PCM1: variants seen among roughly 807,000 people sequenced by gnomAD.
The protein encoded by PCM1 is pericentriolar material 1 protein.
Under a neutral mutation model 241.9 loss-of-function variants are expected in PCM1, and 157 were observed. The observed-to-expected ratio is 0.65, with a 90% CI of 0.57 to 0.74. PCM1 has a LOEUF of 0.74. PCM1 is among the 30% of genes least tolerant of loss of function. PCM1 has a pLI of 0.00. For synonymous variants in PCM1, 1,085 were observed against 784.9 expected (o/e 1.38, Z -6.39); for missense variants, 3,478 against 2,360.1 (o/e 1.47, Z -9.81).
Position 17,964,696 on chromosome 8 carries a change from A to G in PCM1, c.2783A>G (p.Asn928Ser), listed in dbSNP as rs183004636. 2.0e-4 allele frequency: 327 copies of G among 1,613,960 alleles called. No homozygotes were observed. Among genetic ancestry groups the G allele is most frequent in the Non-Finnish European group, 2.7e-4 (314 of 1,179,824 alleles). ...GAAGAAGAGCAAGATGCCAGTTCCA[A>G]TGATAACTTTTCTGTGTGTCCTTCT... ...EEEEEQDASS[N>S]DNFSVCPSNS... Residue 928 changes from asparagine (N) to serine (S), a missense_variant, in exon 18 of 39, where the codon AAT becomes AGT. Asn to Ser is a conservative substitution (Grantham distance 46). Transcript: ENST00000325083.
chr8:18,003,795 T>G (rs2090399610), intron 29 of PCM1, among the ~76,000 whole-genome samples: 1 of 152,120 alleles, frequency 6.6e-6, no homozygotes, highest in Admixed American at 6.6e-5. Flanking sequence ...AGAATATACT[T>G]ATAAATTTTA....
intron 38 of PCM1, among the ~76,000 whole-genome samples, chr8:18,026,972 G>A (rs534524180): frequency 1.3e-5 from 2 of 152,260 alleles, no homozygotes; most frequent in African/African-American, 4.8e-5. Context: ...GTAGAGCCAA[G>A]CGATAGTCTC....
At chr8:17,967,506 C>T (rs1179176299) in intron 21 of PCM1, among the ~76,000 whole-genome samples, 3 of 151,104 alleles carry the variant, frequency 2.0e-5, no homozygotes, top group East Asian at 3.9e-4. Flanking sequence ...TGGGGTTTCT[C>T]CATGTTGGTC....
intron 23 of PCM1, among the ~76,000 whole-genome samples, chr8:17,976,596 C>G (rs919958389): frequency 2.6e-5 from 4 of 152,202 alleles, no homozygotes; most frequent in Non-Finnish European, 5.9e-5. Context: ...CACTGTGATT[C>G]AGACCTTAAC....
At chr8:17,930,935 A>T (rs915416745) in intron 2 of PCM1, among the ~76,000 whole-genome samples, 3 of 152,122 alleles carry the variant, frequency 2.0e-5, no homozygotes, top group Admixed American at 1.3e-4. Flanking sequence ...TCATACTAAT[A>T]GTTTTACTTT....
intron 10 of PCM1, 55 bp downstream of exon 10, chr8:17,955,708 GTTT>G: frequency 9.3e-7 from 1 of 1,076,466 alleles, no homozygotes; most frequent in East Asian, 2.8e-5. Context: ...GATAAATTCT[GTTT>G]TTTTTTTTAT....
chr8:17,947,631 A>T (rs978622838), intron 7 of PCM1, among the ~76,000 whole-genome samples: 2 of 152,158 alleles, frequency 1.3e-5, no homozygotes, highest in Non-Finnish European at 2.9e-5. Context: ...GACAGGCTGT[A>T]GTTCTGTTTT....
chr8:17,999,952 A>G (rs1267544201), intron 29 of PCM1, among the ~76,000 whole-genome samples: 1 of 152,196 alleles, frequency 6.6e-6, no homozygotes, highest in Non-Finnish European at 1.5e-5. Context: ...TGGAGCTTGC[A>G]TGCTAGAGTG....
At chr8:18,009,893 T>C in intron 31 of PCM1, 149 bp downstream of exon 31, 1 of 481,342 alleles carries the variant, frequency 2.1e-6, no homozygotes, top group Non-Finnish European at 3.5e-6. Context: ...TTACATATGC[T>C]AGTCACTTGT....
intron 3 of PCM1, among the ~76,000 whole-genome samples, chr8:17,936,045 C>T (rs942290892): frequency 6.6e-6 from 1 of 152,172 alleles, no homozygotes; most frequent in African/African-American, 2.4e-5. Flanking sequence ...TTGAGTGCAT[C>T]TGCCTAACAC....
intron 33 of PCM1, 72 bp downstream of exon 33, chr8:18,011,438 G>C (rs1018499856): frequency 3.1e-6 from 4 of 1,304,570 alleles, no homozygotes; most frequent in Middle Eastern, 4.2e-4. Flanking sequence ...CAGTTTGGTG[G>C]AGTGTAACAA....
At position 17,957,407 on chromosome 8, in the gene PCM1, T is replaced by G; in HGVS notation, c.1790T>G (p.Met597Arg). The G allele has an allele frequency of 1.2e-6, 2 of 1,612,262 alleles. No individual in the cohort carries two copies. The highest frequency in any genetic ancestry group is 1.7e-6 in the Non-Finnish European group (2 of 1,178,770). Residue 597 changes from methionine to arginine, a missense_variant, in exon 12 of 39, where the codon ATG becomes AGG. Met to Arg is a moderately conservative substitution (Grantham distance 91). Coordinates refer to ENST00000325083, the MANE Select transcript of PCM1 (RefSeq NM_006197.4). The part of the protein sequence containing the change: ...RSAANIRALN[M>R]PPSLDCRYNR... ...GCTGCCAACATAAGGGCTCTAAACA[T>G]GCCTCCTTCTTTAGGTATGACTGAC...
At chr8:17,992,924 A>C (rs139528953) in intron 28 of PCM1, among the ~76,000 whole-genome samples, 3,372 of 135,918 alleles carry the variant, frequency 0.025, 57 homozygotes, top group Non-Finnish European at 0.037. Flanking sequence ...GCCTTAGCCC[A>C]CTTTTTGATG....
At chr8:17,967,937 C>G (rs1173722009) in intron 21 of PCM1, among the ~76,000 whole-genome samples, 1 of 151,940 alleles carries the variant, frequency 6.6e-6, no homozygotes, top group Non-Finnish European at 1.5e-5. Context: ...TGACACTGAT[C>G]CTTTAAGGAA....
At chr8:17,953,621 T>C (rs929494698) in intron 9 of PCM1, among the ~76,000 whole-genome samples, 1 of 152,192 alleles carries the variant, frequency 6.6e-6, no homozygotes, top group Non-Finnish European at 1.5e-5. Flanking sequence ...GAAAAACTTT[T>C]ATATATGGTT....
rs1588119866 is a variant in PCM1 at position 17,996,990 on chromosome 8, G to GTA, written c.4827+3372_4827+3373insAT. 2.0e-5 allele frequency among the ~76,000 whole-genome samples: 3 copies of GTA among 152,072 alleles called. No individual in the cohort carries two copies. The East Asian group carries it at 5.8e-4, about 29-fold the overall frequency. Reference sequence around the variant, plus strand: ...ATATTCTGTGTACTTTCTATTACTGGTGAATTTTGTACCTTCAGACGATAT... The same window carrying GTA: ...ATATTCTGTGTACTTTCTATTACTGGTATGAATTTTGTACCTTCAGACGATAT... On this transcript the variant is annotated intron_variant, in intron 29 of 38. Coordinates refer to ENST00000325083, the MANE Select transcript of PCM1 (RefSeq NM_006197.4).
intron 6 of PCM1, among the ~76,000 whole-genome samples, chr8:17,945,595 A>T (rs1176319031): frequency 6.6e-6 from 1 of 152,192 alleles, no homozygotes; most frequent in Non-Finnish European, 1.5e-5. Context: ...ATGGATTTCC[A>T]AGTCACAGTG....
intron 36 of PCM1, among the ~76,000 whole-genome samples, chr8:18,017,097 C>T (rs893325843): frequency 6.6e-6 from 1 of 152,138 alleles, no homozygotes; most frequent in Non-Finnish European, 1.5e-5. Flanking sequence ...GTATTGCCAA[C>T]CCTTTAAGAG....
chr8:17,939,598 A>C, intron 5 of PCM1, 93 bp from the exon 6 acceptor site: 1 of 614,064 alleles, frequency 1.6e-6, no homozygotes. Flanking sequence ...TCGAAATAAA[A>C]ATTTGTAAAA....
Sources: allele counts gnomAD v4.1 joint callset (sites outside exome capture counted in the v4.1 genomes callset), GRCh38; gene constraint gnomAD v4.1.1; transcripts MANE v1.5; gene names NCBI Gene and HGNC (gene_info 2026-07-23, HGNC 2026-07-21).